Variants in KRIT1 observed in about 807,000 individuals in gnomAD.
KRIT1 encodes KRIT1 ankyrin repeat containing.
Under a neutral mutation model 95.8 loss-of-function variants are expected in KRIT1, and 45 were observed. The ratio of observed to expected loss-of-function variants is 0.47; its 90% confidence interval spans 0.37 to 0.60. The LOEUF (loss-of-function observed/expected upper bound fraction) is 0.60. KRIT1 is among the 20% of genes least tolerant of loss of function. The pLI, the probability that KRIT1 is intolerant of heterozygous loss-of-function variation, is 0.00. For synonymous variants in KRIT1, 282 were observed against 278.8 expected, an observed-to-expected ratio of 1.01 and a Z score of -0.11; for missense variants, 788 against 877.5, an observed-to-expected ratio of 0.90 and a Z score of 1.29.
In KRIT1 at chr7:92,214,559, T is replaced by C. The variant is rs563811537; in HGVS notation, c.1730+52A>G. On this transcript the variant is annotated intron_variant, in intron 15 of 18. Coordinates refer to ENST00000394505, the MANE Select transcript of KRIT1 (RefSeq NM_194454.3). ...AATAACATTTTTAAACTTTCTTGGT[T>C]AAACAGAATCTTAAGCATAGCACAA... 140 of 1,372,364 alleles carry C rather than the reference T, an allele frequency of 1.0e-4. No homozygotes were observed. The South Asian group carries it at 1.6e-3, about 15-fold the overall frequency. The allele number at this position is 1,372,364 out of a possible 1,614,324, so 85.0% of individuals were successfully genotyped here. A position where few individuals can be genotyped will look rare whatever the true frequency, so the allele number is the denominator to read the frequency against.
At chr7:92,230,179 C>G (rs1327646769) in intron 10 of KRIT1, among the ~76,000 whole-genome samples, 2 of 151,962 alleles carry the variant, frequency 1.3e-5, no homozygotes, top group Non-Finnish European at 2.9e-5. Flanking sequence ...ATAAAGTAGG[C>G]AGAGGTACTT....
intron 8 of KRIT1, 108 bp from the exon 9 acceptor site, chr7:92,235,031 G>C: frequency 7.2e-6 from 5 of 690,690 alleles, no homozygotes; most frequent in Non-Finnish European, 1.0e-5. Context: ...AATGAGTCTT[G>C]CTCTGTTGCC....
At chr7:92,234,047 C>T (rs533103619) in intron 10 of KRIT1, among the ~76,000 whole-genome samples, 1 of 152,176 alleles carries the variant, frequency 6.6e-6, no homozygotes, top group South Asian at 2.1e-4. Context: ...ACTTTTATAG[C>T]AAGACGCAAG....
At chr7:92,212,382 A>T (rs1032471590) in intron 17 of KRIT1, among the ~76,000 whole-genome samples, 2 of 152,200 alleles carry the variant, frequency 1.3e-5, no homozygotes, top group African/African-American at 4.8e-5. Context: ...ATTGTTATGG[A>T]CTGAATGTTT....
intron 12 of KRIT1, among the ~76,000 whole-genome samples, chr7:92,225,386 C>A (rs1796005696): frequency 6.6e-6 from 1 of 152,120 alleles, no homozygotes; most frequent in Non-Finnish European, 1.5e-5. Flanking sequence ...TGGCTCACTG[C>A]AACCTCCACC....
At chr7:92,204,776 T>TGC (rs1015710505) in intron 17 of KRIT1, among the ~76,000 whole-genome samples, 1 of 152,126 alleles carries the variant, frequency 6.6e-6, no homozygotes, top group African/African-American at 2.4e-5. Context: ...GCTGCTCATC[T>TGC]GCTGTGCGGC....
At chr7:92,211,379 T>C (rs893489448) in intron 17 of KRIT1, among the ~76,000 whole-genome samples, 2 of 152,164 alleles carry the variant, frequency 1.3e-5, no homozygotes, top group Non-Finnish European at 2.9e-5. Flanking sequence ...ACAACATGAA[T>C]GGAATTGGAG....
intron 2 of KRIT1, among the ~76,000 whole-genome samples, 194 bp downstream of exon 2, chr7:92,244,708 T>A (rs1800485981): frequency 6.6e-6 from 1 of 152,192 alleles, no homozygotes; most frequent in Non-Finnish European, 1.5e-5. Context: ...AAGGTATAAC[T>A]AGAGTTTGCA....
chr7:92,215,451 T>A (rs1793764174), intron 14 of KRIT1, among the ~76,000 whole-genome samples: 1 of 152,190 alleles, frequency 6.6e-6, no homozygotes, highest in Non-Finnish European at 1.5e-5. Flanking sequence ...CAAATATTAA[T>A]AATATTCAAG....
At chr7:92,238,375 G>A (rs1798858454) in intron 5 of KRIT1, among the ~76,000 whole-genome samples, 1 of 152,152 alleles carries the variant, frequency 6.6e-6, no homozygotes, top group South Asian at 2.1e-4. Flanking sequence ...CTCACACTAA[G>A]AAACAGAACC....
At chr7:92,217,824 G>A (rs1052558736) in intron 14 of KRIT1, among the ~76,000 whole-genome samples, 2 of 152,010 alleles carry the variant, frequency 1.3e-5, no homozygotes, top group Admixed American at 1.3e-4. Flanking sequence ...TTAGATTTTT[G>A]AAGAACCACT....
intron 17 of KRIT1, among the ~76,000 whole-genome samples, chr7:92,209,683 C>T (rs1325816470): frequency 6.6e-6 from 1 of 152,062 alleles, no homozygotes; most frequent in African/African-American, 2.4e-5. Flanking sequence ...ATGAAAACTA[C>T]AAAACACTGA....
At chr7:92,231,193 C>T (rs1025532573) in intron 10 of KRIT1, among the ~76,000 whole-genome samples, 11 of 152,210 alleles carry the variant, frequency 7.2e-5, no homozygotes, top group Non-Finnish European at 1.5e-4. Context: ...CTGTTAAGTT[C>T]TCTACAAGGG....
At chr7:92,220,938 T>C (rs1417376641) in intron 14 of KRIT1, among the ~76,000 whole-genome samples, 1 of 151,828 alleles carries the variant, frequency 6.6e-6, no homozygotes, top group Admixed American at 6.6e-5. Context: ...TCCACCCGCC[T>C]TGGCCTCCCA....
intron 14 of KRIT1, among the ~76,000 whole-genome samples, chr7:92,219,619 G>A (rs1563257483): frequency 6.6e-6 from 1 of 152,066 alleles, no homozygotes; most frequent in Non-Finnish European, 1.5e-5. Flanking sequence ...TTGGCTATTT[G>A]AGTCCCCTTG....
At chr7:92,238,066 A>G (rs1036375709) in intron 5 of KRIT1, among the ~76,000 whole-genome samples, 4 of 152,186 alleles carry the variant, frequency 2.6e-5, no homozygotes, top group African/African-American at 9.7e-5. Context: ...GTCAATATGC[A>G]TATACCACCT....
intron 8 of KRIT1, 23 bp downstream of exon 8, chr7:92,235,380 G>A (rs1227304090): frequency 1.2e-6 from 2 of 1,611,312 alleles, no homozygotes; most frequent in East Asian, 2.2e-5. Context: ...TTAAATCAGA[G>A]CTAAAATTCA....
intron 15 of KRIT1, among the ~76,000 whole-genome samples, chr7:92,214,267 C>G (rs1372777702): frequency 6.6e-6 from 1 of 152,038 alleles, no homozygotes; most frequent in East Asian, 1.9e-4. Flanking sequence ...CTCTCAAAGA[C>G]TGAACATAAA....
At chr7:92,225,628 A>T (rs1415886320) in intron 12 of KRIT1, 92 bp downstream of exon 12, 2 of 778,364 alleles carry the variant, frequency 2.6e-6, no homozygotes, top group African/African-American at 3.4e-5. Context: ...GAAGCCATCT[A>T]ATCGTCTTTC....
Sources: allele counts gnomAD v4.1 joint callset (sites outside exome capture counted in the v4.1 genomes callset), GRCh38; gene constraint gnomAD v4.1.1; transcripts MANE v1.5; gene names NCBI Gene and HGNC (gene_info 2026-07-23, HGNC 2026-07-21).